RAB11FIP3: variants seen among roughly 807,000 people sequenced by gnomAD.
RAB11FIP3 encodes the protein rab11 family-interacting protein 3.
RAB11FIP3 carries 17 observed loss-of-function variants against 77.8 expected under a neutral mutation model. That is an observed-to-expected ratio of 0.22 (90% confidence interval 0.15 to 0.33). The LOEUF is 0.33. Among genes scored for constraint, RAB11FIP3 ranks in the 10% least tolerant of loss-of-function variants. The pLI, the probability that RAB11FIP3 is intolerant of heterozygous loss-of-function variation, is 1.00. For missense variants in RAB11FIP3, 1,005 were observed against 1,011.2 expected (o/e 0.99, Z 0.08); for synonymous variants, 437 against 448.2 (o/e 0.98, Z 0.31).
chr16:487,723 G>A (rs1268664477), intron 4 of RAB11FIP3, among the ~76,000 whole-genome samples: 1 of 152,166 alleles, frequency 6.6e-6, no homozygotes, highest in Admixed American at 6.5e-5. Flanking sequence ...CACAGGAGCC[G>A]CTGAAGGCAC....
At position 514,417 on chromosome 16, in the gene RAB11FIP3, C is replaced by T. The variant is rs576826449; in HGVS notation, c.1640+3617C>T. 5.9e-5 allele frequency among the ~76,000 whole-genome samples: 9 copies of T among 152,336 alleles called. No homozygotes were observed. Among genetic ancestry groups the T allele is most frequent in the Non-Finnish European group, 7.4e-5 (5 of 68,024 alleles). On this transcript the variant is annotated intron_variant, in intron 9 of 13. Coordinates refer to ENST00000262305, the MANE Select transcript of RAB11FIP3 (RefSeq NM_014700.4). The surrounding 1 kb of genome is among the most constrained non-coding windows in gnomAD (Gnocchi z 4.6). ...CTGGAGGCAGGACTCCCAGCACCTGCGTCGGAACCTCCTGGGAACAGCAGG... is the reference window on the plus strand; with the variant it reads ...CTGGAGGCAGGACTCCCAGCACCTGTGTCGGAACCTCCTGGGAACAGCAGG...
intron 2 of RAB11FIP3, among the ~76,000 whole-genome samples, chr16:465,143 G>C (rs2055680199): frequency 6.6e-6 from 1 of 152,126 alleles, no homozygotes; most frequent in Non-Finnish European, 1.5e-5. Flanking sequence ...CATGAAGCTG[G>C]TAGCTGTGTC....
intron 4 of RAB11FIP3, among the ~76,000 whole-genome samples, chr16:487,197 C>T (rs1243605625): frequency 1.3e-5 from 2 of 148,658 alleles, no homozygotes; most frequent in Non-Finnish European, 3.0e-5. Context: ...GTGGCGCGAT[C>T]TCGGCTCACT....
chr16:497,570 C>T (rs1182589938), intron 6 of RAB11FIP3: 16 of 850,094 alleles, frequency 1.9e-5, no homozygotes, highest in Non-Finnish European at 2.5e-5. Context: ...TCTGGAGCCT[C>T]CTCTCTGCCC....
Position 426,006 on chromosome 16 carries a change from C to A in RAB11FIP3, c.-1C>A, listed in dbSNP as rs1476807698. On this transcript the variant is annotated 5_prime_UTR_variant, in exon 1 of 14. Coordinates refer to ENST00000262305, the MANE Select transcript of RAB11FIP3 (RefSeq NM_014700.4). The surrounding 1 kb of genome is among the most constrained non-coding windows in gnomAD (Gnocchi z 5.0). ...TTCCGCACCACTAGCCTCTCGGGAG[C>A]ATGGCGTCGGCCCCGCCGGCCTCGC... The A allele has an allele frequency of 2.8e-5, 28 of 986,504 alleles. No homozygotes were observed. The highest frequency in any genetic ancestry group is 3.4e-5 in the Non-Finnish European group (28 of 831,008). 61.1% of individuals were successfully genotyped at this position (986,504 alleles called of 1,614,324 possible).
intron 5 of RAB11FIP3, 74 bp from the exon 6 acceptor site, chr16:496,750 C>T (rs1462035408): frequency 1.4e-6 from 2 of 1,470,286 alleles, no homozygotes; most frequent in African/African-American, 1.4e-5. Context: ...TCTCCACAGC[C>T]TGAGTTTCCT....
intron 3 of RAB11FIP3, among the ~76,000 whole-genome samples, chr16:478,618 G>C (rs576773238): frequency 6.6e-6 from 1 of 152,186 alleles, no homozygotes; most frequent in Non-Finnish European, 1.5e-5. Flanking sequence ...AGCATGAAAT[G>C]TTGGCCACTT....
chr16:507,902 C>T lies in RAB11FIP3; in HGVS notation c.1499+2275C>T, dbSNP rs911507811. Among the ~76,000 whole-genome samples, 5 of 152,206 alleles carry T rather than the reference C, an allele frequency of 3.3e-5. No homozygotes were observed. Among genetic ancestry groups the T allele is most frequent in the Non-Finnish European group, 2.9e-5 (2 of 68,044 alleles). On this transcript the variant is annotated intron_variant, in intron 8 of 13. Coordinates refer to ENST00000262305, the MANE Select transcript of RAB11FIP3 (RefSeq NM_014700.4). This position sits in a 1 kb window ranked among gnomAD's most constrained non-coding sequence, Gnocchi z 4.6. ...CCATACAGCTGCCATCCTAAGAGTACGTTTCCCGTTTTCAGTATCATCTGC... is the reference window on the plus strand; with the variant it reads ...CCATACAGCTGCCATCCTAAGAGTATGTTTCCCGTTTTCAGTATCATCTGC...
At chr16:486,404 A>C (rs920936319) in intron 4 of RAB11FIP3, among the ~76,000 whole-genome samples, 2 of 152,288 alleles carry the variant, frequency 1.3e-5, no homozygotes, top group African/African-American at 4.8e-5. Context: ...AGGCAGGAGA[A>C]TCGCTTGAAC....
At chr16:432,707 C>A (rs1353233845) in intron 1 of RAB11FIP3, among the ~76,000 whole-genome samples, 2 of 149,042 alleles carry the variant, frequency 1.3e-5, no homozygotes, top group African/African-American at 4.9e-5. Context: ...TCAAGCAATT[C>A]TCCTGCCTCA....
Position 510,780 on chromosome 16 carries a change from G to A in RAB11FIP3, c.1620G>A (p.Glu540=), listed in dbSNP as rs768948642. The part of the protein sequence containing the change: ...LCKMEREKSI[E]IENLQTRLQQ... ...AGATGGAGAGGGAGAAGAGCATTGA[G>A]ATCGAGAACCTGCAGACCAGGTAGG... Residue 540 remains glutamate, a synonymous_variant, in exon 9 of 14, where the codon GAG becomes GAA. Coordinates refer to ENST00000262305, the MANE Select transcript of RAB11FIP3 (RefSeq NM_014700.4). 1 of 1,613,380 alleles carries A rather than the reference G, an allele frequency of 6.2e-7. No homozygotes were observed. The highest frequency in any genetic ancestry group is 1.7e-5 in the Admixed American group (1 of 59,984).
Position 426,021 on chromosome 16 carries a change from GCCGGCCTCGCCC to G in RAB11FIP3, c.20_31del (p.Ala7_Pro10del). The G allele has an allele frequency of 2.0e-6, 2 of 990,478 alleles. No individual in the cohort carries two copies. The highest frequency in any genetic ancestry group is 4.5e-5 in the South Asian group (1 of 22,144). 61.4% of individuals were successfully genotyped at this position (990,478 alleles called of 1,614,324 possible). On this transcript the variant is annotated inframe_deletion, in exon 1 of 14. Transcript: ENST00000262305. This position sits in a 1 kb window ranked among gnomAD's most constrained non-coding sequence, Gnocchi z 5.0. ...CTCTCGGGAGCATGGCGTCGGCCCC[GCCGGCCTCGCCC>G]CCGGGCTCGGAGCCGCCGGGGCCCG...
chr16:470,532 G>A (rs2055789698), intron 2 of RAB11FIP3, among the ~76,000 whole-genome samples: 1 of 152,260 alleles, frequency 6.6e-6, no homozygotes, highest in Non-Finnish European at 1.5e-5. Context: ...TTTTAGGCAA[G>A]TAGTTGAATT....
At chr16:517,821 G>A (rs191518289) in intron 9 of RAB11FIP3, among the ~76,000 whole-genome samples, 3 of 151,978 alleles carry the variant, frequency 2.0e-5, no homozygotes, top group East Asian at 2.0e-4. Flanking sequence ...GGTGGCTCAC[G>A]CCTGTAATCC....
intron 3 of RAB11FIP3, among the ~76,000 whole-genome samples, chr16:476,941 T>G (rs1376883719): frequency 6.6e-6 from 1 of 151,518 alleles, no homozygotes; most frequent in African/African-American, 2.4e-5. Context: ...ATACAAAAAT[T>G]AGTTGGGTGT....
Position 426,506 on chromosome 16 carries a change from C to A in RAB11FIP3, c.500C>A (p.Pro167His), listed in dbSNP as rs2054946316. The A allele has an allele frequency of 6.4e-7, 1 of 1,558,874 alleles. No homozygotes were observed. The highest frequency in any genetic ancestry group is 8.7e-7 in the Non-Finnish European group (1 of 1,153,034). Residue 167 changes from proline to histidine, a missense_variant, in exon 1 of 14, where the codon CCC (proline) becomes CAC (histidine). By Grantham distance (77) the Pro-to-His change is moderately conservative. Transcript: ENST00000262305. The surrounding 1 kb of genome is among the most constrained non-coding windows in gnomAD (Gnocchi z 5.0). ...GACGTCTTCTCTCCCTTCCCCGCGCCCACGGCGGGCGAGCTGGCGCTGGAG... is the reference window on the plus strand; with the variant it reads ...GACGTCTTCTCTCCCTTCCCCGCGCACACGGCGGGCGAGCTGGCGCTGGAG... ...EVDVFSPFPA[P>H]TAGELALEQG... is the part of the protein sequence containing the mutation.
chr16:481,110 T>C (rs1419423458), intron 3 of RAB11FIP3, among the ~76,000 whole-genome samples: 1 of 145,964 alleles, frequency 6.9e-6, no homozygotes, highest in African/African-American at 2.7e-5. Flanking sequence ...CGGCCAGCTG[T>C]TATATTTATT....
intron 1 of RAB11FIP3, among the ~76,000 whole-genome samples, chr16:449,720 G>A (rs1052950563): frequency 6.6e-6 from 1 of 151,742 alleles, no homozygotes; most frequent in Non-Finnish European, 1.5e-5. Flanking sequence ...GGGAGGCTGA[G>A]TTGGGTGGAT....
chr16:495,462 G>A (rs1194543368), intron 5 of RAB11FIP3, among the ~76,000 whole-genome samples: 1 of 152,260 alleles, frequency 6.6e-6, no homozygotes, highest in Admixed American at 6.5e-5. Flanking sequence ...CCCGAATGGG[G>A]TCGGGGAAGC....
Sources: allele counts gnomAD v4.1 joint callset (sites outside exome capture counted in the v4.1 genomes callset), GRCh38; gene constraint gnomAD v4.1.1; non-coding constraint Gnocchi (gnomAD v3.1); transcripts MANE v1.5; gene names NCBI Gene and HGNC (gene_info 2026-07-23, HGNC 2026-07-21).